The following JAM3 variants were observed in gnomAD, a reference collection of about 807,000 sequenced individuals.
JAM3 encodes junctional adhesion molecule C.
Under a neutral mutation model 39.4 loss-of-function variants are expected in JAM3, and 31 were observed. That is an observed-to-expected ratio of 0.79 (90% CI 0.59 to 1.06). JAM3 has a LOEUF of 1.06. Ranked by LOEUF, JAM3 falls within the 50% of genes least tolerant of loss-of-function variation. The pLI is 0.00. For missense variants in JAM3, 455 were observed against 391.4 expected (o/e 1.16, Z -1.37); for synonymous variants, 182 against 148.7 (o/e 1.22, Z -1.63).
chr11:134,139,736 A>G (rs1942940241), intron 1 of JAM3, 115 bp from the exon 2 acceptor site: 1 of 807,698 alleles, frequency 1.2e-6, no homozygotes, highest in South Asian at 1.4e-5. Flanking sequence ...ATATTTTTCC[A>G]TCCTCTGTGG....
chr11:134,113,924 T>C (rs1298293190), intron 1 of JAM3, among the ~76,000 whole-genome samples: 1 of 152,246 alleles, frequency 6.6e-6, no homozygotes, highest in Non-Finnish European at 1.5e-5. Flanking sequence ...GGTTTTGATG[T>C]GCATTTGTCT....
At chr11:134,123,724 CT>C in intron 1 of JAM3, 1 of 568,220 alleles carries the variant, frequency 1.8e-6, no homozygotes. Context: ...GAATCCATCA[CT>C]ACTTTGATGA....
intron 1 of JAM3, among the ~76,000 whole-genome samples, chr11:134,116,366 C>T (rs946258638): frequency 6.6e-6 from 1 of 152,016 alleles, no homozygotes; most frequent in Admixed American, 6.6e-5. Flanking sequence ...CATTGTAATT[C>T]TCCTGTAAAG....
intron 1 of JAM3, among the ~76,000 whole-genome samples, chr11:134,112,023 AAG>A (rs1942321496): frequency 6.6e-6 from 1 of 152,336 alleles, no homozygotes; most frequent in African/African-American, 2.4e-5. Context: ...AACGTGAAAA[AAG>A]AAATACCTTC....
At chr11:134,072,764 G>A (rs1941502944) in intron 1 of JAM3, among the ~76,000 whole-genome samples, 2 of 152,182 alleles carry the variant, frequency 1.3e-5, no homozygotes, top group African/African-American at 4.8e-5. Flanking sequence ...ACAAAAATTA[G>A]CCGGGCGTGC....
At chr11:134,135,805 A>G (rs537684414) in intron 1 of JAM3, among the ~76,000 whole-genome samples, 41 of 152,126 alleles carry the variant, frequency 2.7e-4, no homozygotes, top group Admixed American at 2.7e-3. Flanking sequence ...GCGGTGGCCC[A>G]CCCCTGTAAT....
intron 1 of JAM3, among the ~76,000 whole-genome samples, chr11:134,096,596 C>T (rs1264846946): frequency 1.3e-5 from 2 of 152,192 alleles, no homozygotes; most frequent in Non-Finnish European, 2.9e-5. Flanking sequence ...ATCACCTGCT[C>T]TTCACCCAAG....
chr11:134,119,705 C>T (rs1033021257), intron 1 of JAM3, among the ~76,000 whole-genome samples: 4 of 152,042 alleles, frequency 2.6e-5, no homozygotes, highest in African/African-American at 4.8e-5. Context: ...AGGTGAGGCC[C>T]GCCCTCATTA....
chr11:134,088,613 C>G (rs1941786430), intron 1 of JAM3, among the ~76,000 whole-genome samples: 1 of 152,098 alleles, frequency 6.6e-6, no homozygotes, highest in South Asian at 2.1e-4. Context: ...GAATAAATTG[C>G]TAAAATCATT....
intron 1 of JAM3, among the ~76,000 whole-genome samples, chr11:134,113,617 A>G (rs1052857650): frequency 1.2e-4 from 18 of 152,138 alleles, no homozygotes; most frequent in African/African-American, 3.9e-4. Flanking sequence ...GTTGGTTCCA[A>G]GTCTTTGCTA....
rs200909561 is a variant in JAM3 at position 134,148,756 on chromosome 11, C to T, written c.843-8C>T. On this transcript the variant is annotated splice_region_variant and splice_polypyrimidine_tract_variant and intron_variant, in intron 7 of 8. Transcript: ENST00000299106. ...CCCTGTTGCTAAACTGCTCTCTTCTCCTCATAGTTACAAGAACCCAGGGAA... is the reference window on the plus strand; with the variant it reads ...CCCTGTTGCTAAACTGCTCTCTTCTTCTCATAGTTACAAGAACCCAGGGAA... 1.2e-6 allele frequency: 2 copies of T among 1,613,674 alleles called. No homozygotes were observed. Among genetic ancestry groups the T allele is most frequent in the East Asian group, 2.2e-5 (1 of 44,886 alleles).
At chr11:134,135,042 C>T in intron 1 of JAM3, among the ~76,000 whole-genome samples, 1 of 151,924 alleles carries the variant, frequency 6.6e-6, no homozygotes, top group East Asian at 1.9e-4. Flanking sequence ...GTTGTCTGTG[C>T]TGTTGGTGTT....
At chr11:134,094,557 C>T (rs1249201718) in intron 1 of JAM3, among the ~76,000 whole-genome samples, 1 of 150,628 alleles carries the variant, frequency 6.6e-6, no homozygotes, top group African/African-American at 2.5e-5. Flanking sequence ...AGGGAAGCTT[C>T]TCCTGAGCCC....
chr11:134,076,915 A>C (rs940854471), intron 1 of JAM3, among the ~76,000 whole-genome samples: 4 of 148,698 alleles, frequency 2.7e-5, no homozygotes, highest in Admixed American at 2.7e-4. Context: ...GCTCACTGCA[A>C]CCTCTGCCTC....
intron 1 of JAM3, among the ~76,000 whole-genome samples, chr11:134,134,355 C>G (rs1591802207): frequency 8.1e-6 from 1 of 123,250 alleles, no homozygotes; most frequent in East Asian, 2.3e-4. Context: ...GACACTAAAC[C>G]ACAGATCCAT....
At chr11:134,095,160 GAAAGT>G (rs1941954949) in intron 1 of JAM3, among the ~76,000 whole-genome samples, 1 of 152,190 alleles carries the variant, frequency 6.6e-6, no homozygotes, top group Non-Finnish European at 1.5e-5. Flanking sequence ...TTCGAAGAGA[GAAAGT>G]AAACCAGCAT....
In JAM3 at chr11:134,140,759, A is replaced by G; in HGVS notation, c.245A>G (p.Asn82Ser). ...DEQTTYVFFD[N>S]KIQGDLAGRA... ...CAAACCACATATGTGTTTTTTGACA[A>G]CAAAATTCAGGGTATGATCCTGTAG... The change falls in exon 3 of 9, where the codon AAC (asparagine) becomes AGC (serine). Residue 82 changes from asparagine to serine, a missense_variant. Coordinates refer to ENST00000299106, the MANE Select transcript of JAM3 (RefSeq NM_032801.5). 1.9e-6 allele frequency: 3 copies of G among 1,613,494 alleles called. No individual in the cohort carries two copies. In the South Asian group the frequency reaches 3.3e-5, roughly 18 times the overall value.
chr11:134,143,534 T>G (rs1159769688), intron 3 of JAM3, among the ~76,000 whole-genome samples: 1 of 152,236 alleles, frequency 6.6e-6, no homozygotes. Flanking sequence ...GCACCCACCC[T>G]TATGTCCAGT....
At chr11:134,114,378 A>T (rs1565493575) in intron 1 of JAM3, among the ~76,000 whole-genome samples, 1 of 152,190 alleles carries the variant, frequency 6.6e-6, no homozygotes, top group Non-Finnish European at 1.5e-5. Flanking sequence ...TGAGGAACGG[A>T]TCCAGTTTCA....
Sources: allele counts gnomAD v4.1 joint callset (sites outside exome capture counted in the v4.1 genomes callset), GRCh38; gene constraint gnomAD v4.1.1; transcripts MANE v1.5; gene names NCBI Gene and HGNC (gene_info 2026-07-23, HGNC 2026-07-21).